Variants in FRMD4A observed in about 807,000 individuals in gnomAD.
FRMD4A encodes FERM domain containing 4A, also known as FERM domain-containing protein 4A.
FRMD4A carries 29 observed loss-of-function variants against 129.1 expected under a neutral mutation model. That is an observed-to-expected ratio of 0.22 (90% confidence interval 0.17 to 0.31). The LOEUF (loss-of-function observed/expected upper bound fraction) is 0.31, where lower values mean the gene tolerates loss of function less well. Ranked by LOEUF, FRMD4A falls within the 10% of genes least tolerant of loss-of-function variation. The pLI, the probability that FRMD4A is intolerant of heterozygous loss-of-function variation, is 1.00. For synonymous variants in FRMD4A, 634 were observed against 571.6 expected, an observed-to-expected ratio of 1.11 and a Z score of -1.56; for missense variants, 1,272 against 1,375.8, an observed-to-expected ratio of 0.92 and a Z score of 1.19.
chr10:14,089,398 G>A (rs1044150441), intron 2 of FRMD4A, among the ~76,000 whole-genome samples: 4 of 152,050 alleles, frequency 2.6e-5, no homozygotes, highest in South Asian at 4.1e-4. Context: ...GAGAGGACGG[G>A]CTGGCCCAAG....
In FRMD4A at chr10:14,226,138, T is replaced by G. The variant is rs185228024; in HGVS notation, c.45+103920A>C. On this transcript the variant is annotated intron_variant, in intron 2 of 24. Transcript: ENST00000357447. ...TTTTAAATTTTAAAAAATTTTACTT[T>G]AAGTTCTTGATACATATGCAGGTTT... Among the ~76,000 whole-genome samples the G allele has an allele frequency of 2.3e-3, 350 of 152,342 alleles. 1 individual carries two copies. The highest frequency in any genetic ancestry group is 3.2e-3 in the Non-Finnish European group (220 of 68,034).
chr10:13,902,488 A>AGAGAGT (rs1371838262), intron 2 of FRMD4A, among the ~76,000 whole-genome samples: 53 of 151,546 alleles, frequency 3.5e-4, no homozygotes, highest in African/African-American at 1.2e-3. Context: ...AGAGAGAGAG[A>AGAGAGT]GAGTGACAGA....
chr10:13,865,124 T>C (rs1334760553), intron 2 of FRMD4A, among the ~76,000 whole-genome samples: 1 of 151,894 alleles, frequency 6.6e-6, no homozygotes, highest in Non-Finnish European at 1.5e-5. Context: ...ATTACAGGAG[T>C]GATCCAACAT....
chr10:13,912,520 ATTTTTTTTTTTT>A (rs57865883), intron 2 of FRMD4A, among the ~76,000 whole-genome samples: 11 of 126,214 alleles, frequency 8.7e-5, no homozygotes, highest in African/African-American at 2.1e-4. Context: ...ACATAATAGA[ATTTTTTTTTTTT>A]TTTTTTTTTT....
intron 2 of FRMD4A, among the ~76,000 whole-genome samples, chr10:14,021,599 A>G (rs899051690): frequency 1.3e-5 from 2 of 151,948 alleles, no homozygotes; most frequent in Non-Finnish European, 2.9e-5. Context: ...AAATAAATAA[A>G]AACTGGGGGA....
chr10:14,053,501 G>A (rs1834362114), intron 2 of FRMD4A, among the ~76,000 whole-genome samples: 1 of 152,146 alleles, frequency 6.6e-6, no homozygotes, highest in Admixed American at 6.6e-5. Flanking sequence ...CATTTTCCAT[G>A]CCCTTCACCT....
intron 2 of FRMD4A, among the ~76,000 whole-genome samples, chr10:14,067,282 C>T (rs553573371): frequency 6.6e-6 from 1 of 152,094 alleles, no homozygotes; most frequent in African/African-American, 2.4e-5. Flanking sequence ...TGCCATTGCA[C>T]TCCAGCCTGG....
At chr10:14,132,532 T>C (rs1479614053) in intron 2 of FRMD4A, among the ~76,000 whole-genome samples, 2 of 152,134 alleles carry the variant, frequency 1.3e-5, no homozygotes, top group Non-Finnish European at 2.9e-5. Flanking sequence ...CCCCTCTTTG[T>C]TCCCCACGTG....
At chr10:14,138,417 A>G (rs935836866) in intron 2 of FRMD4A, among the ~76,000 whole-genome samples, 1 of 152,166 alleles carries the variant, frequency 6.6e-6, no homozygotes, top group Non-Finnish European at 1.5e-5. Flanking sequence ...AATAAATTCA[A>G]CCTGCTTTAC....
rs530628068 is a variant in FRMD4A at position 13,900,220 on chromosome 10, C to T, written c.46-41308G>A. Among the ~76,000 whole-genome samples, 9 of 152,274 alleles carry T rather than the reference C, an allele frequency of 5.9e-5. No individual in the cohort carries two copies. The South Asian group carries it at 6.2e-4, about 11-fold the overall frequency. ...ATCAAGTACTTAAAACCAGGGTCCC[C>T]GGGGTGTATGAAGAAATTATCCAAT... On this transcript the variant is annotated intron_variant, in intron 2 of 24. Coordinates refer to ENST00000357447, the MANE Select transcript of FRMD4A (RefSeq NM_018027.5).
chr10:13,790,817 G>A (rs1486528313), intron 5 of FRMD4A, among the ~76,000 whole-genome samples: 1 of 152,172 alleles, frequency 6.6e-6, no homozygotes, highest in Non-Finnish European at 1.5e-5. Flanking sequence ...CAGAGCAGAA[G>A]GGGTAGCAGA....
intron 12 of FRMD4A, among the ~76,000 whole-genome samples, chr10:13,711,473 C>G (rs929064480): frequency 1.3e-5 from 2 of 152,240 alleles, no homozygotes; most frequent in South Asian, 4.1e-4. Context: ...CCGTCATAAC[C>G]CACCACCATG....
At chr10:14,214,106 C>T (rs1213633164) in intron 2 of FRMD4A, among the ~76,000 whole-genome samples, 1 of 152,196 alleles carries the variant, frequency 6.6e-6, no homozygotes, top group East Asian at 1.9e-4. Context: ...GTGAGGCCTC[C>T]CCAGCCATGT....
intron 2 of FRMD4A, among the ~76,000 whole-genome samples, chr10:14,144,920 A>C (rs545515015): frequency 3.3e-5 from 5 of 152,294 alleles, no homozygotes; most frequent in African/African-American, 1.2e-4. Context: ...AAGACGTGGA[A>C]AGAAACTCTC....
At chr10:14,173,476 C>A (rs1214719714) in intron 2 of FRMD4A, among the ~76,000 whole-genome samples, 1 of 152,108 alleles carries the variant, frequency 6.6e-6, no homozygotes, top group African/African-American at 2.4e-5. Flanking sequence ...TGCAGGTCTG[C>A]TATTTTTCCG....
intron 2 of FRMD4A, among the ~76,000 whole-genome samples, chr10:14,173,949 T>C (rs1451296612): frequency 6.6e-6 from 1 of 151,992 alleles, no homozygotes; most frequent in Non-Finnish European, 1.5e-5. Context: ...CCTCCTCCCA[T>C]GCACAGAGCC....
chr10:14,156,696 C>A (rs1840619515), intron 2 of FRMD4A, among the ~76,000 whole-genome samples: 1 of 152,098 alleles, frequency 6.6e-6, no homozygotes, highest in African/African-American at 2.4e-5. Flanking sequence ...ATGATTTTAG[C>A]AAATCAGCCA....
At chr10:14,219,900 T>C (rs569697558) in intron 2 of FRMD4A, among the ~76,000 whole-genome samples, 1 of 152,280 alleles carries the variant, frequency 6.6e-6, no homozygotes, top group Non-Finnish European at 1.5e-5. Flanking sequence ...CTACTTGCTA[T>C]TGAGAGTGAT....
intron 2 of FRMD4A, among the ~76,000 whole-genome samples, chr10:13,927,307 C>A (rs563792499): frequency 6.6e-6 from 1 of 152,164 alleles, no homozygotes; most frequent in South Asian, 2.1e-4. Context: ...TCATCATTTG[C>A]TCCCCTAACA....
Sources: allele counts gnomAD v4.1 joint callset (sites outside exome capture counted in the v4.1 genomes callset), GRCh38; gene constraint gnomAD v4.1.1; transcripts MANE v1.5; gene names NCBI Gene and HGNC (gene_info 2026-07-23, HGNC 2026-07-21).